The following KDM4B variants were observed in gnomAD, a reference collection of about 807,000 sequenced individuals.
KDM4B encodes the protein lysine demethylase 4B.
In KDM4B, 32 loss-of-function variants were observed where a neutral mutation model predicts 125.2. The ratio of observed to expected loss-of-function variants is 0.26; its 90% confidence interval spans 0.19 to 0.34. KDM4B has a LOEUF of 0.34. KDM4B is among the 10% of genes least tolerant of loss of function. KDM4B has a pLI of 1.00. For missense variants in KDM4B, 1,190 were observed against 1,577.7 expected (o/e 0.75, Z 4.16); for synonymous variants, 721 against 677.9 (o/e 1.06, Z -0.99).
At chr19:5,037,735 C>G (rs2036674502) in intron 3 of KDM4B, among the ~76,000 whole-genome samples, 1 of 152,344 alleles carries the variant, frequency 6.6e-6, no homozygotes, top group East Asian at 1.9e-4. Flanking sequence ...CTCCATCTAC[C>G]TCATGCCAGG....
rs902724134 is a variant in KDM4B at position 5,137,998 on chromosome 19, G to A, written c.2478G>A (p.Glu826=). The A allele has an allele frequency of 1.9e-6, 3 of 1,612,702 alleles. No individual in the cohort carries two copies. The highest frequency in any genetic ancestry group is 1.7e-5 in the Admixed American group (1 of 59,996). The change falls in exon 18 of 23, where the codon GAG becomes GAA. Residue 826 remains glutamate (E), a synonymous_variant. Transcript: ENST00000159111. ...IHVICAIAVP[E]ARFLNVIERH... ...TGATCTGTGCCATCGCAGTCCCCGA[G>A]GCGCGCTTCCTGAACGTGATTGAGC...
Position 5,006,792 on chromosome 19 carries a change from T to C in KDM4B, c.-108-9465T>C, listed in dbSNP as rs1010832573. 7.8e-4 allele frequency among the ~76,000 whole-genome samples: 116 copies of C among 148,326 alleles called. 2 individuals carry two copies. The highest frequency in any genetic ancestry group is 4.8e-4 in the Non-Finnish European group (32 of 67,222). On this transcript the variant is annotated intron_variant, in intron 1 of 22. Transcript: ENST00000159111. ...CATCTCAAAAAAAAAAAAAAAGATA[T>C]GGTGAGTTAAGAGGGTAACCAGCCC...
intron 6 of KDM4B, among the ~76,000 whole-genome samples, chr19:5,060,723 G>T (rs2037567530): frequency 6.6e-6 from 1 of 152,184 alleles, no homozygotes. Flanking sequence ...CTGTGTGTCA[G>T]TGGCCCTGTG....
intron 5 of KDM4B, among the ~76,000 whole-genome samples, chr19:5,041,884 C>T (rs1210014296): frequency 6.6e-6 from 1 of 152,254 alleles, no homozygotes; most frequent in Non-Finnish European, 1.5e-5. Context: ...CACGGCCAGC[C>T]TTGGCTCTGC....
In KDM4B at chr19:5,150,457, G is replaced by A. The variant is rs770881815; in HGVS notation, c.3114+7G>A. ...GAGGGTCCGCTCTCGGCTGGTGAGT[G>A]CGCGAGGCTGGCCTGGTGGCTCCGG... On this transcript the variant is annotated splice_region_variant and intron_variant, in intron 22 of 22. Coordinates refer to ENST00000159111, the MANE Select transcript of KDM4B (RefSeq NM_015015.3). 2 of 1,547,122 alleles carry A rather than the reference G, an allele frequency of 1.3e-6. No homozygotes were observed. The highest frequency in any genetic ancestry group is 2.4e-5 in the East Asian group (1 of 40,874).
In KDM4B at chr19:5,132,017, G is replaced by A; in HGVS notation, c.1906+10G>A. 6.3e-7 allele frequency: 1 copy of A among 1,599,790 alleles called. No homozygotes were observed. The highest frequency in any genetic ancestry group is 8.5e-7 in the Non-Finnish European group (1 of 1,173,794). ...GCCTCAAGTGACGAGGGTGAGTGGG[G>A]GGTCCCCAGGTCGGCTCTCATCAGC... On this transcript the variant is annotated intron_variant, in intron 13 of 22. Transcript: ENST00000159111.
At chr19:4,970,097 C>A (rs555875788) in intron 1 of KDM4B, among the ~76,000 whole-genome samples, 161 of 152,198 alleles carry the variant, frequency 1.1e-3, no homozygotes, top group African/African-American at 3.8e-3. Context: ...ATCTGCTTGA[C>A]CTGGGGTCTG....
rs374170590 is a variant in KDM4B at position 5,115,517 on chromosome 19, G to A, written c.1116-4136G>A. ...AAGTCACAGGCTCCTGCCCTCAGCAGCCCCTGCCACTGCCTTCACCAGGCC... is the reference window on the plus strand; with the variant it reads ...AAGTCACAGGCTCCTGCCCTCAGCAACCCCTGCCACTGCCTTCACCAGGCC... On this transcript the variant is annotated intron_variant, in intron 10 of 22. Transcript: ENST00000159111. This position sits in a 1 kb window ranked among gnomAD's most constrained non-coding sequence, Gnocchi z 4.2. Among the ~76,000 whole-genome samples the A allele has an allele frequency of 1.6e-4, 25 of 152,354 alleles. No homozygotes were observed. Among genetic ancestry groups the A allele is most frequent in the African/African-American group, 5.3e-4 (22 of 41,596 alleles).
At chr19:5,030,731 C>T (rs2036425472) in intron 2 of KDM4B, among the ~76,000 whole-genome samples, 1 of 152,272 alleles carries the variant, frequency 6.6e-6, no homozygotes, top group Non-Finnish European at 1.5e-5. Flanking sequence ...CCCACAACTG[C>T]CCCTCGTGGG....
At chr19:5,109,911 G>A (rs377061048) in intron 9 of KDM4B, among the ~76,000 whole-genome samples, 3 of 152,160 alleles carry the variant, frequency 2.0e-5, no homozygotes, top group Non-Finnish European at 4.4e-5. Context: ...AAAATACTCC[G>A]TATCCATTTT....
intron 1 of KDM4B, among the ~76,000 whole-genome samples, chr19:4,970,554 C>T (rs2034220375): frequency 6.6e-6 from 1 of 152,270 alleles, no homozygotes; most frequent in South Asian, 2.1e-4. Flanking sequence ...TCAGAATGTC[C>T]CCGGGCTGGA....
At chr19:5,145,853 C>A (rs2039832002) in intron 21 of KDM4B, among the ~76,000 whole-genome samples, 1 of 152,192 alleles carries the variant, frequency 6.6e-6, no homozygotes, top group African/African-American at 2.4e-5. Context: ...TTAGCTCGCA[C>A]CCCGAGCCCC....
At chr19:4,973,124 C>T (rs1241238825) in intron 1 of KDM4B, among the ~76,000 whole-genome samples, 1 of 152,246 alleles carries the variant, frequency 6.6e-6, no homozygotes, top group Non-Finnish European at 1.5e-5. Context: ...CCTCTTTGAT[C>T]TTGGCCTCTT....
intron 1 of KDM4B, among the ~76,000 whole-genome samples, chr19:5,013,871 G>A (rs141444068): frequency 0.011 from 1,695 of 152,336 alleles, 13 homozygotes; most frequent in Non-Finnish European, 0.019. Flanking sequence ...TCCGGTCCTC[G>A]GGTTCAGTTG....
At chr19:4,991,308 T>A (rs2035025088) in intron 1 of KDM4B, among the ~76,000 whole-genome samples, 1 of 151,196 alleles carries the variant, frequency 6.6e-6, no homozygotes, top group African/African-American at 2.4e-5. Flanking sequence ...TTTTGTTAAC[T>A]TTTAATTTTT....
chr19:5,019,020 G>T (rs1021312750), intron 2 of KDM4B, among the ~76,000 whole-genome samples: 19 of 152,064 alleles, frequency 1.2e-4, no homozygotes, highest in African/African-American at 4.6e-4. Flanking sequence ...GGACATTGGT[G>T]TGCAGGTGTT....
chr19:5,095,358 T>C (rs983982105), intron 9 of KDM4B, among the ~76,000 whole-genome samples: 7 of 152,228 alleles, frequency 4.6e-5, no homozygotes, highest in African/African-American at 1.7e-4. Context: ...CTGTGTCTTC[T>C]CTCTGCCACT....
At chr19:5,084,906 A>G (rs955298677) in intron 9 of KDM4B, among the ~76,000 whole-genome samples, 20 of 147,816 alleles carry the variant, frequency 1.4e-4, no homozygotes, top group Non-Finnish European at 2.8e-4. Flanking sequence ...GGGTCTTAAT[A>G]TGTTGGCCAG....
intron 3 of KDM4B, among the ~76,000 whole-genome samples, chr19:5,039,256 C>A (rs569227113): frequency 8.5e-5 from 13 of 152,258 alleles, no homozygotes; most frequent in Admixed American, 8.5e-4. Context: ...CCAGCCTGTG[C>A]AACAAAATGA....
Sources: allele counts gnomAD v4.1 joint callset (sites outside exome capture counted in the v4.1 genomes callset), GRCh38; gene constraint gnomAD v4.1.1; non-coding constraint Gnocchi (gnomAD v3.1); transcripts MANE v1.5; gene names NCBI Gene and HGNC (gene_info 2026-07-23, HGNC 2026-07-21).